MTCL1: variants seen among roughly 807,000 people sequenced by gnomAD.
The protein encoded by MTCL1 is microtubule crosslinking factor 1.
In MTCL1, 79 loss-of-function variants were observed where a neutral mutation model predicts 141.4. The observed-to-expected ratio is 0.56, with a 90% confidence interval of 0.47 to 0.67. MTCL1 has a LOEUF of 0.67. MTCL1 is among the 30% of genes least tolerant of loss of function. MTCL1 has a pLI of 0.00. For synonymous variants in MTCL1, 914 were observed against 875.8 expected (o/e 1.04, Z -0.77); for missense variants, 2,177 against 2,113.9 (o/e 1.03, Z -0.59).
chr18:8,721,465 C>G (rs1431865955), intron 4 of MTCL1, among the ~76,000 whole-genome samples: 1 of 152,200 alleles, frequency 6.6e-6, no homozygotes, highest in Non-Finnish European at 1.5e-5. Flanking sequence ...CAAATCACAG[C>G]AAAGTAGCAG....
intron 13 of MTCL1, among the ~76,000 whole-genome samples, chr18:8,819,672 G>A (rs560147350): frequency 2.0e-5 from 3 of 152,110 alleles, no homozygotes; most frequent in East Asian, 1.9e-4. Flanking sequence ...GTCTGATAAC[G>A]ACTCACCACA....
At chr18:8,718,287 C>G in intron 2 of MTCL1, 137 bp from the exon 2 acceptor site, 1 of 802,604 alleles carries the variant, frequency 1.2e-6, no homozygotes. Context: ...GTGCCTGTCA[C>G]CCAGGCGTGG....
At chr18:8,709,155 CTT>C (rs1418697897) in intron 1 of MTCL1, among the ~76,000 whole-genome samples, 1 of 151,940 alleles carries the variant, frequency 6.6e-6, no homozygotes, top group Non-Finnish European at 1.5e-5. Flanking sequence ...TAAATCAAAA[CTT>C]CTCTTTTTGT....
At position 8,828,878 on chromosome 18, in the gene MTCL1, T is replaced by C; in HGVS notation, c.4723-30T>C. ...AAAACACTTTCCAACCTTCTTGCTT[T>C]TCTTTTCTTTCTCTGTCTGTTCTGT... On this transcript the variant is annotated intron_variant, in intron 15 of 16. Transcript: ENST00000359865. The surrounding 1 kb of genome is among the most constrained non-coding windows in gnomAD (Gnocchi z 5.2). 6.2e-7 allele frequency: 1 copy of C among 1,600,672 alleles called. No individual in the cohort carries two copies. The highest frequency in any genetic ancestry group is 8.5e-7 in the Non-Finnish European group (1 of 1,179,620).
Position 8,728,848 on chromosome 18 carries a change from C to T in MTCL1, c.357+8352C>T, listed in dbSNP as rs1489356580. 4.7e-5 allele frequency among the ~76,000 whole-genome samples: 7 copies of T among 149,938 alleles called. No homozygotes were observed. In the East Asian group the frequency reaches 1.4e-3, roughly 30 times the overall value. ...CTCCCGAGTTCAAGCGATTCTCCTG[C>T]CGCAGCCTCCCGAGTAGCTGGGATT... On this transcript the variant is annotated intron_variant, in intron 4 of 16. Transcript: ENST00000359865.
At chr18:8,799,508 G>A (rs1274260989) in intron 10 of MTCL1, among the ~76,000 whole-genome samples, 1 of 152,190 alleles carries the variant, frequency 6.6e-6, no homozygotes, top group African/African-American at 2.4e-5. Context: ...GTGTCCATGG[G>A]GAGAATTTAG....
intron 4 of MTCL1, among the ~76,000 whole-genome samples, chr18:8,750,661 A>C (rs1252881786): frequency 6.6e-6 from 1 of 152,238 alleles, no homozygotes; most frequent in Admixed American, 6.5e-5. Flanking sequence ...TATCCAGAGG[A>C]CACTGCCCTG....
upstream of MTCL1, among the ~76,000 whole-genome samples, chr18:8,715,204 C>G (rs927202144): frequency 5.9e-5 from 9 of 152,198 alleles, no homozygotes; most frequent in African/African-American, 2.2e-4. Flanking sequence ...GCATCTAGCC[C>G]TTGAACAGTT....
intron 1 of MTCL1, among the ~76,000 whole-genome samples, chr18:8,710,888 C>CTTTTT (rs71356255): frequency 2.5e-5 from 2 of 80,952 alleles, no homozygotes; most frequent in Non-Finnish European, 4.4e-5. Context: ...TTTTTTTTTA[C>CTTTTT]TTTTTTTTTT....
chr18:8,738,710 A>G (rs1370012305), intron 4 of MTCL1, among the ~76,000 whole-genome samples: 3 of 152,308 alleles, frequency 2.0e-5, no homozygotes, highest in Non-Finnish European at 4.4e-5. Flanking sequence ...TGGTGCATTG[A>G]TAAGGACGCA....
At chr18:8,768,789 C>CTTTTTTTT (rs773958752) in intron 4 of MTCL1, among the ~76,000 whole-genome samples, 6 of 117,870 alleles carry the variant, frequency 5.1e-5, no homozygotes, top group African/African-American at 7.2e-5. Flanking sequence ...CTTTTCTTCT[C>CTTTTTTTT]TTTTTTTTTT....
At chr18:8,831,736 G>A (rs528747423) in exon 17 of MTCL1, 43 of 1,550,410 alleles carry the variant, frequency 2.8e-5, no homozygotes, top group East Asian at 2.0e-4. Context: ...TCAGTCACCC[G>A]GAGACCCGAC....
At chr18:8,769,527 A>C (rs533693831) in intron 4 of MTCL1, among the ~76,000 whole-genome samples, 1 of 152,332 alleles carries the variant, frequency 6.6e-6, no homozygotes, top group East Asian at 1.9e-4. Flanking sequence ...GGTACATATC[A>C]CAAAGGTTAA....
intron 10 of MTCL1, among the ~76,000 whole-genome samples, chr18:8,798,513 T>G (rs1023750633): frequency 2.0e-5 from 3 of 152,200 alleles, no homozygotes; most frequent in African/African-American, 7.2e-5. Context: ...TCATTTGAGT[T>G]GCCATATAAA....
intron 4 of MTCL1, among the ~76,000 whole-genome samples, chr18:8,744,578 TA>T (rs1345434824): frequency 1.3e-5 from 2 of 152,194 alleles, no homozygotes; most frequent in Non-Finnish European, 2.9e-5. Flanking sequence ...CATATTTTTT[TA>T]TATTTTTATC....
At chr18:8,741,636 G>T (rs568756024) in intron 4 of MTCL1, among the ~76,000 whole-genome samples, 1 of 152,314 alleles carries the variant, frequency 6.6e-6, no homozygotes, top group East Asian at 1.9e-4. Context: ...AGGACAGGAA[G>T]GAAATAAGAA....
At chr18:8,714,764 C>T (rs2096116420), upstream of MTCL1, among the ~76,000 whole-genome samples, 1 of 152,132 alleles carries the variant, frequency 6.6e-6, no homozygotes. Context: ...GGGGACACAG[C>T]CAAACCATAT....
At chr18:8,803,485 C>T (rs2076191623) in intron 10 of MTCL1, among the ~76,000 whole-genome samples, 1 of 152,138 alleles carries the variant, frequency 6.6e-6, no homozygotes, top group Non-Finnish European at 1.5e-5. Flanking sequence ...TGCCTGTGTG[C>T]GAAAGTCATT....
At position 8,784,852 on chromosome 18, in the gene MTCL1, G is replaced by C. The variant is rs368398429; in HGVS notation, c.1731+9G>C. The C allele has an allele frequency of 6.4e-7, 1 of 1,568,870 alleles. No individual in the cohort carries two copies. The highest frequency in any genetic ancestry group is 8.6e-7 in the Non-Finnish European group (1 of 1,156,132). ...TGGGCCCAGACTTGCAGGTAAGGGGGCTCGTGGCTTCGCCTCCCTGCTCCG... is the reference window on the plus strand; with the variant it reads ...TGGGCCCAGACTTGCAGGTAAGGGGCCTCGTGGCTTCGCCTCCCTGCTCCG... On this transcript the variant is annotated intron_variant, in intron 6 of 16. Coordinates refer to ENST00000359865, the Ensembl canonical transcript of MTCL1.
Sources: gnomAD v4.1 joint callset for allele counts (sites outside exome capture counted in the v4.1 genomes callset) on GRCh38, gnomAD v4.1.1 for gene constraint, Gnocchi (gnomAD v3.1) non-coding constraint, MANE v1.5 for transcripts, NCBI Gene and HGNC (gene_info 2026-07-23, HGNC 2026-07-21) for gene names.